Variants in AFF3 observed in about 807,000 individuals in gnomAD.
The protein encoded by AFF3 is ALF transcription elongation factor 3, also known as AF4/FMR2 family member 3.
A neutral mutation model predicts 129.7 loss-of-function variants in AFF3; 32 were observed. The ratio of observed to expected loss-of-function variants is 0.25; its 90% CI spans 0.19 to 0.33. The LOEUF (loss-of-function observed/expected upper bound fraction) is 0.33. Among genes scored for constraint, AFF3 ranks in the 10% least tolerant of loss-of-function variants. The pLI, the probability that AFF3 is intolerant of heterozygous loss-of-function variation, is 1.00. For missense variants in AFF3, 1,373 were observed against 1,592.0 expected (o/e 0.86, Z 2.34); for synonymous variants, 644 against 635.4 (o/e 1.01, Z -0.20).
chr2:100,046,280 C>G (rs1685826313), intron 4 of AFF3, among the ~76,000 whole-genome samples: 1 of 152,068 alleles, frequency 6.6e-6, no homozygotes, highest in East Asian at 1.9e-4. Context: ...AAGAGAGGCC[C>G]AGTAATGTGT....
At chr2:100,084,215 C>T (rs1689252388) in intron 4 of AFF3, among the ~76,000 whole-genome samples, 1 of 152,202 alleles carries the variant, frequency 6.6e-6, no homozygotes, top group East Asian at 1.9e-4. Context: ...CGACCACATG[C>T]TATGTGTCAG....
At chr2:100,087,892 T>C (rs1277442174) in intron 4 of AFF3, among the ~76,000 whole-genome samples, 1 of 147,596 alleles carries the variant, frequency 6.8e-6, no homozygotes, top group East Asian at 2.0e-4. Flanking sequence ...TATATTAAAG[T>C]ATATTAAAGT....
chr2:99,886,506 G>A (rs1411422611), intron 7 of AFF3, among the ~76,000 whole-genome samples: 1 of 151,756 alleles, frequency 6.6e-6, no homozygotes, highest in Non-Finnish European at 1.5e-5. Context: ...GATGCTCTCT[G>A]CCTGAGAGCA....
At chr2:99,889,806 G>A (rs1317831023) in intron 7 of AFF3, among the ~76,000 whole-genome samples, 3 of 152,158 alleles carry the variant, frequency 2.0e-5, no homozygotes, top group Admixed American at 1.3e-4. Flanking sequence ...TTATAGGCGT[G>A]TGCCACCACA....
intron 19 of AFF3, 58 bp from the exon 20 acceptor site, chr2:99,565,681 T>C: frequency 6.4e-7 from 1 of 1,571,578 alleles, no homozygotes; most frequent in Non-Finnish European, 8.7e-7. Flanking sequence ...TAAATGGCAT[T>C]GTCATGTAGT....
intron 16 of AFF3, among the ~76,000 whole-genome samples, chr2:99,583,244 G>A (rs1034371022): frequency 6.6e-6 from 1 of 152,136 alleles, no homozygotes. Flanking sequence ...CAAAGTACAC[G>A]ACTAAGACTA....
chr2:99,844,947 T>C (rs1689617114), intron 7 of AFF3, among the ~76,000 whole-genome samples: 2 of 151,106 alleles, frequency 1.3e-5, no homozygotes, highest in Non-Finnish European at 2.9e-5. Context: ...AATAAATTAA[T>C]GACCAATACA....
chr2:99,859,275 C>A (rs112392652), intron 7 of AFF3, among the ~76,000 whole-genome samples: 191 of 152,300 alleles, frequency 1.3e-3, no homozygotes, highest in African/African-American at 4.5e-3. Flanking sequence ...GCCACTCTAC[C>A]CTGCCTTCTA....
At chr2:100,077,604 C>A (rs1688682795) in intron 4 of AFF3, among the ~76,000 whole-genome samples, 1 of 152,176 alleles carries the variant, frequency 6.6e-6, no homozygotes, top group Non-Finnish European at 1.5e-5. Context: ...TTTGTTATAG[C>A]AGCAATGGGA....
At chr2:100,041,777 T>A (rs1014154351) in intron 4 of AFF3, among the ~76,000 whole-genome samples, 1 of 152,208 alleles carries the variant, frequency 6.6e-6, no homozygotes, top group Non-Finnish European at 1.5e-5. Context: ...CATTGACTCA[T>A]TTTGCATAAA....
chr2:99,798,769 C>T (rs983535586), intron 8 of AFF3, among the ~76,000 whole-genome samples: 1 of 151,952 alleles, frequency 6.6e-6, no homozygotes, highest in Non-Finnish European at 1.5e-5. Flanking sequence ...GCTTATGTGC[C>T]TAACAGCAGA....
intron 7 of AFF3, among the ~76,000 whole-genome samples, chr2:99,935,045 A>G (rs1558989224): frequency 6.6e-6 from 1 of 152,244 alleles, no homozygotes. Flanking sequence ...GAGAAAGAAA[A>G]GATGTGTGTT....
rs1177147328 is a variant in AFF3 at position 99,548,130 on chromosome 2, T to A, written c.*3344A>T. On this transcript the variant is annotated 3_prime_UTR_variant, in exon 25 of 25. Transcript: ENST00000672756. ...TTGATCAGGAATATACCTGGACTAC[T>A]CTCTTTCAAAGGCAATTGAACATCG... 4.9e-6 allele frequency: 1 copy of A among 203,778 alleles called. No homozygotes were observed. Among genetic ancestry groups the A allele is most frequent in the Admixed American group, 6.0e-5 (1 of 16,726 alleles). The allele number at this position is 203,778 out of a possible 1,614,324, so 12.6% of individuals were successfully genotyped here.
Position 99,658,892 on chromosome 2 carries a change from C to T in AFF3, c.1144-9226G>A, listed in dbSNP as rs1685989934. On this transcript the variant is annotated intron_variant, in intron 12 of 24. Coordinates refer to ENST00000672756, the MANE Select transcript of AFF3 (RefSeq NM_001386135.1). Reference sequence around the variant, plus strand: ...GATGCTAACAGACACTGGGGGAAACCTTTATCTGGGGATGCCAGTGAAGGG... The same window carrying T: ...GATGCTAACAGACACTGGGGGAAACTTTTATCTGGGGATGCCAGTGAAGGG... 3.9e-5 allele frequency among the ~76,000 whole-genome samples: 6 copies of T among 152,286 alleles called. No individual in the cohort carries two copies. In the South Asian group the frequency reaches 1.2e-3, roughly 32 times the overall value.
At chr2:100,137,440 A>G (rs1692681100) in intron 1 of AFF3, among the ~76,000 whole-genome samples, 2 of 152,204 alleles carry the variant, frequency 1.3e-5, no homozygotes, top group South Asian at 4.1e-4. Context: ...GTTGTAACAC[A>G]TGGGATGTTT....
In AFF3 at chr2:100,073,292, A is replaced by T. The variant is rs911323673; in HGVS notation, c.53+31110T>A. On this transcript the variant is annotated intron_variant, in intron 4 of 24. Coordinates refer to ENST00000672756, the MANE Select transcript of AFF3 (RefSeq NM_001386135.1). ...CCTCATGAAAAGGGGACACGTGGAC[A>T]CAGGCATGCACACAGGCAGAATGCC... Among the ~76,000 whole-genome samples, 6 of 152,246 alleles carry T rather than the reference A, an allele frequency of 3.9e-5. 1 individual carries two copies. In the South Asian group the frequency reaches 1.2e-3, roughly 32 times the overall value.
At chr2:99,842,301 A>G (rs1009085273) in intron 7 of AFF3, among the ~76,000 whole-genome samples, 2 of 152,124 alleles carry the variant, frequency 1.3e-5, no homozygotes, top group African/African-American at 4.8e-5. Flanking sequence ...AAAACTTTCC[A>G]TGTTTATCAA....
At chr2:99,990,624 G>C (rs1448414579) in intron 7 of AFF3, among the ~76,000 whole-genome samples, 2 of 152,120 alleles carry the variant, frequency 1.3e-5, no homozygotes, top group African/African-American at 4.8e-5. Flanking sequence ...GGATCTTTAG[G>C]AGGATTCACC....
At chr2:99,846,773 A>C (rs865775718) in intron 7 of AFF3, among the ~76,000 whole-genome samples, 10 of 152,352 alleles carry the variant, frequency 6.6e-5, no homozygotes, top group African/African-American at 2.4e-4. Context: ...TATTAATTTT[A>C]TTTAAGCATT....
Sources: gnomAD v4.1 joint callset for allele counts (sites outside exome capture counted in the v4.1 genomes callset) on GRCh38, gnomAD v4.1.1 for gene constraint, MANE v1.5 for transcripts, NCBI Gene and HGNC (gene_info 2026-07-23, HGNC 2026-07-21) for gene names.